The following PIGL variants were observed in gnomAD, a reference collection of about 807,000 sequenced individuals.
PIGL encodes the protein N-acetylglucosaminyl-phosphatidylinositol de-N-acetylase.
A neutral mutation model predicts 31.1 loss-of-function variants in PIGL; 22 were observed. The observed-to-expected ratio is 0.71, with a 90% CI of 0.51 to 1.01. The LOEUF is 1.01. Ranked by LOEUF, PIGL falls within the 50% of genes least tolerant of loss-of-function variation. PIGL has a pLI of 0.00. For missense variants in PIGL, 302 were observed against 315.9 expected (o/e 0.96, Z 0.33); for synonymous variants, 131 against 117.4 (o/e 1.12, Z -0.75).
intron 2 of PIGL, among the ~76,000 whole-genome samples, chr17:16,234,637 C>T (rs1205988202): frequency 3.3e-5 from 5 of 151,986 alleles, no homozygotes; most frequent in Non-Finnish European, 5.9e-5. Context: ...TATTGGCCTA[C>T]GCCTGTAATC....
chr17:16,233,951 T>A lies in PIGL; in HGVS notation c.236-20T>A. On this transcript the variant is annotated intron_variant, in intron 1 of 6. Transcript: ENST00000225609. Reference sequence around the variant, plus strand: ...CTGTTAAAAAAAAAAAATCTACCACTGTATATTTGTTACCCTCAGGAAATT... The same window carrying A: ...CTGTTAAAAAAAAAAAATCTACCACAGTATATTTGTTACCCTCAGGAAATT... 7.2e-7 allele frequency: 1 copy of A among 1,388,598 alleles called. No homozygotes were observed. Among genetic ancestry groups the A allele is most frequent in the South Asian group, 1.2e-5 (1 of 83,336 alleles). 86.0% of individuals were successfully genotyped at this position (1,388,598 alleles called of 1,614,324 possible). A position where few individuals can be genotyped will look rare whatever the true frequency, so the allele number is the denominator to read the frequency against.
intron 2 of PIGL, among the ~76,000 whole-genome samples, chr17:16,249,371 C>T (rs2092761542): frequency 6.6e-6 from 1 of 152,084 alleles, no homozygotes. Flanking sequence ...CCCAGCTACT[C>T]GGGAGGCTGA....
chr17:16,229,346 ATG>A (rs1456075782), intron 1 of PIGL, among the ~76,000 whole-genome samples: 1 of 151,792 alleles, frequency 6.6e-6, no homozygotes, highest in African/African-American at 2.4e-5. Context: ...ACATATATAT[ATG>A]TATGTATATA....
intron 1 of PIGL, among the ~76,000 whole-genome samples, chr17:16,232,490 T>A (rs2092683090): frequency 6.6e-6 from 1 of 152,166 alleles, no homozygotes; most frequent in Non-Finnish European, 1.5e-5. Context: ...GTTAAAATGG[T>A]CCTTGACTTC....
At chr17:16,219,196 G>A (rs938533872) in intron 1 of PIGL, among the ~76,000 whole-genome samples, 10 of 150,924 alleles carry the variant, frequency 6.6e-5, no homozygotes, top group South Asian at 2.1e-4. Context: ...ACAGGCGCCC[G>A]CCCGCCACCA....
chr17:16,249,631 G>A (rs2092762578), intron 2 of PIGL, among the ~76,000 whole-genome samples: 2 of 152,214 alleles, frequency 1.3e-5, no homozygotes, highest in African/African-American at 2.4e-5. Context: ...GTCCAAGGCC[G>A]AGGGCCTGAG....
chr17:16,316,915 T>C (rs1357005904), intron 5 of PIGL: 1 of 1,356,094 alleles, frequency 7.4e-7, no homozygotes, highest in Non-Finnish European at 9.6e-7. Context: ...GGGCCACCTC[T>C]GGATGAGTGG....
intron 2 of PIGL, among the ~76,000 whole-genome samples, chr17:16,296,217 A>G (rs116438368): frequency 0.011 from 1,656 of 152,298 alleles, 34 homozygotes; most frequent in African/African-American, 0.037. Context: ...CTTTACCTCA[A>G]TGAGTCATCT....
chr17:16,234,010 T>C lies in PIGL; in HGVS notation c.275T>C (p.Leu92Pro), dbSNP rs756547594. 2.5e-6 allele frequency: 4 copies of C among 1,610,042 alleles called. No individual in the cohort carries two copies. The highest frequency in any genetic ancestry group is 2.6e-6 in the Non-Finnish European group (3 of 1,176,384). Residue 92 changes from leucine to proline, a missense_variant, in exon 2 of 7, where the codon CTT becomes CCT. Transcript: ENST00000225609. ...CAAGGAGAGACTCGTAAGAAAGAAC[T>C]TTTGCAGAGCTGTGATGTTTTGGGG... ...YNQGETRKKE[L>P]LQSCDVLGIP...
At chr17:16,314,755 A>C (rs554795486) in intron 4 of PIGL, among the ~76,000 whole-genome samples, 1 of 152,304 alleles carries the variant, frequency 6.6e-6, no homozygotes, top group African/African-American at 2.4e-5. Flanking sequence ...GGAAAGAAAC[A>C]TTCCCTGGTT....
chr17:16,238,155 C>T (rs933721568), intron 2 of PIGL, among the ~76,000 whole-genome samples: 2 of 140,354 alleles, frequency 1.4e-5, no homozygotes, highest in African/African-American at 5.3e-5. Flanking sequence ...GAGATCGCGC[C>T]ATTGCACTCC....
intron 2 of PIGL, among the ~76,000 whole-genome samples, chr17:16,254,253 C>T (rs938120750): frequency 3.9e-5 from 6 of 152,056 alleles, no homozygotes; most frequent in African/African-American, 1.4e-4. Flanking sequence ...AGCATATACA[C>T]CAATTTTTTT....
chr17:16,263,061 G>C (rs1469697223), intron 2 of PIGL, among the ~76,000 whole-genome samples: 1 of 140,008 alleles, frequency 7.1e-6, no homozygotes, highest in Non-Finnish European at 1.5e-5. Context: ...TGGGAGGAGG[G>C]AAAAATGGGG....
chr17:16,244,489 T>A (rs1211425263), intron 2 of PIGL, among the ~76,000 whole-genome samples: 1 of 152,228 alleles, frequency 6.6e-6, no homozygotes, highest in Non-Finnish European at 1.5e-5. Context: ...GTCCTGCCTG[T>A]GCAGTGTCTG....
chr17:16,314,554 C>T (rs921579766), intron 4 of PIGL, among the ~76,000 whole-genome samples: 1 of 152,168 alleles, frequency 6.6e-6, no homozygotes, highest in African/African-American at 2.4e-5. Context: ...TTAAATTTTA[C>T]ATCACTTGGT....
rs34479966 is a variant in PIGL, at chr17:16,306,522, C to CTTTTTTT, written c.426+6558_426+6564dup. 1.5e-4 allele frequency among the ~76,000 whole-genome samples: 17 copies of CTTTTTTT among 113,660 alleles called. 1 individual carries two copies. Among genetic ancestry groups the CTTTTTTT allele is most frequent in the Non-Finnish European group, 1.6e-4 (9 of 57,210 alleles). 74.6% of individuals were successfully genotyped at this position (113,660 alleles called of 152,430 possible). ...GAACCAGGTGTTTGAGTTATACGATCTTTTTTTTTTTTTTTTTTTTCTTGA... is the reference window on the plus strand; with the variant it reads ...GAACCAGGTGTTTGAGTTATACGATCTTTTTTTTTTTTTTTTTTTTTTTTTTTCTTGA... On this transcript the variant is annotated intron_variant, in intron 3 of 6. Coordinates refer to ENST00000225609, the MANE Select transcript of PIGL (RefSeq NM_004278.4).
chr17:16,277,581 T>C (rs2092901017), intron 2 of PIGL, among the ~76,000 whole-genome samples: 3 of 152,224 alleles, frequency 2.0e-5, no homozygotes, highest in Admixed American at 2.0e-4. Flanking sequence ...TTTTGCTTGA[T>C]ATTCATGAAC....
At chr17:16,236,570 T>A (rs2092700406) in intron 2 of PIGL, among the ~76,000 whole-genome samples, 1 of 152,138 alleles carries the variant, frequency 6.6e-6, no homozygotes, top group South Asian at 2.1e-4. Flanking sequence ...GCAATAGTGT[T>A]ATTTATTTAT....
intron 4 of PIGL, among the ~76,000 whole-genome samples, chr17:16,315,708 C>CTTT (rs1157169209): frequency 0.011 from 632 of 58,776 alleles, 8 homozygotes; most frequent in East Asian, 0.02. Flanking sequence ...TTCTTTCTTT[C>CTTT]TTTTTTTTTT....
Sources: allele counts gnomAD v4.1 joint callset (sites outside exome capture counted in the v4.1 genomes callset), GRCh38; gene constraint gnomAD v4.1.1; transcripts MANE v1.5; gene names NCBI Gene and HGNC (gene_info 2026-07-23, HGNC 2026-07-21).